The following ZNF541 variants were observed in gnomAD, a reference collection of about 807,000 sequenced individuals.
ZNF541 encodes zinc finger protein 541.
Under a neutral mutation model 123.5 loss-of-function variants are expected in ZNF541, and 23 were observed. That is an observed-to-expected ratio of 0.19 (90% CI 0.13 to 0.26). The LOEUF (loss-of-function observed/expected upper bound fraction) is 0.26, where lower values mean the gene tolerates loss of function less well. Among genes scored for constraint, ZNF541 ranks in the 10% least tolerant of loss-of-function variants. ZNF541 has a pLI of 1.00. For synonymous variants in ZNF541, 751 were observed against 754.5 expected, an observed-to-expected ratio of 1.00 and a Z score of 0.08; for missense variants, 1,612 against 1,789.9, an observed-to-expected ratio of 0.90 and a Z score of 1.79.
At chr19:47,525,110 C>T (rs1228371211) in intron 14 of ZNF541, among the ~76,000 whole-genome samples, 2 of 151,930 alleles carry the variant, frequency 1.3e-5, no homozygotes, top group East Asian at 3.9e-4. Context: ...CATGGTGAAA[C>T]CCTGTCTCTA....
intron 9 of ZNF541, among the ~76,000 whole-genome samples, chr19:47,533,825 T>G (rs1243307641): frequency 6.6e-6 from 1 of 151,968 alleles, no homozygotes; most frequent in East Asian, 1.9e-4. Context: ...CAGAGTGAGA[T>G]TCCATCTCAA....
intron 14 of ZNF541, among the ~76,000 whole-genome samples, chr19:47,522,856 C>T (rs1457217326): frequency 6.6e-6 from 1 of 151,444 alleles, no homozygotes; most frequent in Non-Finnish European, 1.5e-5. Context: ...AAGTGATTCT[C>T]CTGCCTCAGC....
intron 8 of ZNF541, among the ~76,000 whole-genome samples, chr19:47,538,987 C>T (rs1969957472): frequency 6.6e-6 from 1 of 152,194 alleles, no homozygotes; most frequent in Admixed American, 6.5e-5. Context: ...TCCTCCTCAT[C>T]CTCTAGGTCT....
chr19:47,563,027 C>G (rs1971125782), intron 2 of ZNF541, among the ~76,000 whole-genome samples: 1 of 152,138 alleles, frequency 6.6e-6, no homozygotes. Context: ...ATTTCTAGGC[C>G]ACCAGTTTCT....
Position 47,542,071 on chromosome 19 carries a change from C to T in ZNF541, c.2404-1120G>A, listed in dbSNP as rs531495193. 7.9e-5 allele frequency among the ~76,000 whole-genome samples: 12 copies of T among 152,248 alleles called. No individual in the cohort carries two copies. In the South Asian group the frequency reaches 2.1e-3, roughly 26 times the overall value. The stretch of plus-strand genomic sequence containing the variant: ...GTCATGGAAAGGAATGCAGCTCTGC[C>T]GTTTGCCACCCCACGGATGAGCCTG... On this transcript the variant is annotated intron_variant, in intron 5 of 16. Coordinates refer to ENST00000391901, the MANE Select transcript of ZNF541 (RefSeq NM_001277075.3).
rs918922165 is a variant in ZNF541 at position 47,568,141 on chromosome 19, T to C, written c.-99+3755A>G. On this transcript the variant is annotated intron_variant, in intron 2 of 16. Coordinates refer to ENST00000391901, the MANE Select transcript of ZNF541 (RefSeq NM_001277075.3). ...TTCATTCATGAGTGACAGAATTCCA[T>C]TGTGCCACCTCTTTTCCTCTTTGAA... 5.9e-5 allele frequency among the ~76,000 whole-genome samples: 9 copies of C among 151,986 alleles called. No homozygotes were observed. The East Asian group carries it at 1.2e-3, about 20-fold the overall frequency.
chr19:47,522,224 A>G (rs2122830931), intron 14 of ZNF541, among the ~76,000 whole-genome samples: 1 of 152,342 alleles, frequency 6.6e-6, no homozygotes, highest in Admixed American at 6.5e-5. Flanking sequence ...GCACACTCTG[A>G]GCAGCCATTC....
intron 14 of ZNF541, among the ~76,000 whole-genome samples, chr19:47,523,358 AAAAAGG>A (rs1969136303): frequency 6.6e-6 from 1 of 151,674 alleles, no homozygotes; most frequent in Non-Finnish European, 1.5e-5. Context: ...AAAAAAAAAA[AAAAAGG>A]AAAAGTTTAA....
At chr19:47,535,373 A>T (rs1238364053) in intron 9 of ZNF541, among the ~76,000 whole-genome samples, 5 of 152,212 alleles carry the variant, frequency 3.3e-5, no homozygotes, top group Non-Finnish European at 5.9e-5. Flanking sequence ...GCTTCATGAA[A>T]ATTAGAAATG....
At chr19:47,560,913 A>G (rs1194669371) in intron 2 of ZNF541, among the ~76,000 whole-genome samples, 1 of 152,166 alleles carries the variant, frequency 6.6e-6, no homozygotes, top group African/African-American at 2.4e-5. Flanking sequence ...AAACCACACA[A>G]TGACATGGAG....
At chr19:47,554,410 G>A (rs773559177) in intron 3 of ZNF541, among the ~76,000 whole-genome samples, 3 of 152,140 alleles carry the variant, frequency 2.0e-5, no homozygotes, top group East Asian at 1.9e-4. Flanking sequence ...CAGCCTGGGC[G>A]ACAGAGCGAG....
intron 2 of ZNF541, among the ~76,000 whole-genome samples, chr19:47,561,674 G>A (rs1315504125): frequency 2.0e-5 from 3 of 151,946 alleles, no homozygotes; most frequent in East Asian, 1.9e-4. Context: ...GCAGTGCCCC[G>A]CTGCAACTAC....
In ZNF541 at chr19:47,524,321, A is replaced by G. The variant is rs149343335; in HGVS notation, c.3571-2327T>C. Among the ~76,000 whole-genome samples, 59 of 152,336 alleles carry G rather than the reference A, an allele frequency of 3.9e-4. No individual in the cohort carries two copies. The East Asian group carries it at 0.011, about 29-fold the overall frequency. Reference sequence around the variant, plus strand: ...CGGCACATCAGGAGGAGAAAACCCAATGTATCAAAGTCAACCCACCAGAGA... The same window carrying G: ...CGGCACATCAGGAGGAGAAAACCCAGTGTATCAAAGTCAACCCACCAGAGA... On this transcript the variant is annotated intron_variant, in intron 14 of 16. Coordinates refer to ENST00000391901, the MANE Select transcript of ZNF541 (RefSeq NM_001277075.3).
chr19:47,524,007 A>G (rs1969171527), intron 14 of ZNF541, among the ~76,000 whole-genome samples: 1 of 152,212 alleles, frequency 6.6e-6, no homozygotes, highest in Non-Finnish European at 1.5e-5. Context: ...CTACAGGGCC[A>G]GGAAGAGTGC....
intron 12 of ZNF541, among the ~76,000 whole-genome samples, chr19:47,529,890 C>G (rs1364299311): frequency 6.6e-6 from 1 of 152,208 alleles, no homozygotes; most frequent in Non-Finnish European, 1.5e-5. Context: ...CAAGCCTATC[C>G]TGACGAAGGA....
At chr19:47,559,623 G>T (rs760756104) in intron 2 of ZNF541, among the ~76,000 whole-genome samples, 1 of 152,092 alleles carries the variant, frequency 6.6e-6, no homozygotes, top group Non-Finnish European at 1.5e-5. Flanking sequence ...GCCGAGATGG[G>T]CAGATCACCT....
intron 8 of ZNF541, 150 bp downstream of exon 8, chr19:47,539,555 G>A: frequency 3.6e-6 from 3 of 840,850 alleles, no homozygotes; most frequent in South Asian, 6.9e-5. Context: ...ACCCGCCTCA[G>A]CCTCCCAAAG....
intron 11 of ZNF541, 35 bp downstream of exon 11, chr19:47,532,093 G>A: frequency 6.5e-7 from 1 of 1,547,320 alleles, no homozygotes; most frequent in South Asian, 1.2e-5. Context: ...GGGGAAGAAG[G>A]GCCCTTAGGA....
chr19:47,535,549 A>G (rs983409201), intron 9 of ZNF541, among the ~76,000 whole-genome samples: 9 of 152,172 alleles, frequency 5.9e-5, no homozygotes, highest in African/African-American at 2.2e-4. Flanking sequence ...GCAGTTTGTA[A>G]ACAGTTAAAT....
Sources: allele counts gnomAD v4.1 joint callset (sites outside exome capture counted in the v4.1 genomes callset), GRCh38; gene constraint gnomAD v4.1.1; transcripts MANE v1.5; gene names NCBI Gene and HGNC (gene_info 2026-07-23, HGNC 2026-07-21).